GALNT17: variants seen among roughly 807,000 people sequenced by gnomAD.
GALNT17 encodes the protein polypeptide N-acetylgalactosaminyltransferase 17.
A neutral mutation model predicts 63.7 loss-of-function variants in GALNT17; 29 were observed. That is an observed-to-expected ratio of 0.46 (90% confidence interval 0.34 to 0.62). The LOEUF is 0.62. Among genes scored for constraint, GALNT17 ranks in the 20% least tolerant of loss-of-function variants. GALNT17 has a pLI of 0.01. For missense variants in GALNT17, 603 were observed against 799.6 expected (o/e 0.75, Z 2.97); for synonymous variants, 305 against 318.3 (o/e 0.96, Z 0.45).
chr7:71,494,286 G>T (rs1788058397), intron 5 of GALNT17, among the ~76,000 whole-genome samples: 1 of 151,882 alleles, frequency 6.6e-6, no homozygotes, highest in Admixed American at 6.6e-5. Flanking sequence ...CTCCCACCAG[G>T]CCCCTCCATC....
chr7:71,299,060 C>T (rs182660691), intron 1 of GALNT17, among the ~76,000 whole-genome samples: 3 of 152,052 alleles, frequency 2.0e-5, no homozygotes, highest in Admixed American at 6.6e-5. Context: ...TAGTCACTCA[C>T]CTGCGGAGAG....
At chr7:71,490,292 C>T (rs7779076) in intron 5 of GALNT17, among the ~76,000 whole-genome samples, 148,893 of 151,950 alleles carry the variant, frequency 0.98, 73,012 homozygotes, top group East Asian at 1. Context: ...TGGAACAGTA[C>T]TCATGGCCTG....
intron 1 of GALNT17, among the ~76,000 whole-genome samples, chr7:71,331,259 A>G (rs1351159020): frequency 3.9e-5 from 6 of 151,952 alleles, no homozygotes; most frequent in South Asian, 2.1e-4. Flanking sequence ...ACAACCCTCA[A>G]ATCTCTCCAT....
chr7:71,267,510 C>T (rs1367015407), intron 1 of GALNT17, among the ~76,000 whole-genome samples: 1 of 152,068 alleles, frequency 6.6e-6, no homozygotes, highest in Non-Finnish European at 1.5e-5. Flanking sequence ...TTCAAGCCTT[C>T]TTGCCTGTGT....
At chr7:71,626,679 G>A (rs762751686) in intron 6 of GALNT17, among the ~76,000 whole-genome samples, 3 of 152,180 alleles carry the variant, frequency 2.0e-5, no homozygotes, top group Non-Finnish European at 4.4e-5. Context: ...ATGTTCATTC[G>A]CTTTGTCTGT....
chr7:71,471,258 G>A (rs75084897), intron 5 of GALNT17, among the ~76,000 whole-genome samples: 15,592 of 151,698 alleles, frequency 0.1, 1,042 homozygotes, highest in East Asian at 0.3. Flanking sequence ...TGTACTTGTC[G>A]TAGAGAAAGG....
chr7:71,667,328 A>T lies in GALNT17; in HGVS notation c.1266+1732A>T, dbSNP rs1790999849. ...AAAAAACCCCTTCTGGACACTTAGC[A>T]CTTTTTAGCTGTTAAGTAATAAGTG... On this transcript the variant is annotated intron_variant, in intron 7 of 10. Coordinates refer to ENST00000333538, the MANE Select transcript of GALNT17 (RefSeq NM_022479.3). Among the ~76,000 whole-genome samples, 3 of 152,224 alleles carry T rather than the reference A, an allele frequency of 2.0e-5. No homozygotes were observed. In the South Asian group the frequency reaches 6.2e-4, roughly 32 times the overall value.
chr7:71,178,276 C>G (rs2116306389), intron 1 of GALNT17, among the ~76,000 whole-genome samples: 1 of 152,182 alleles, frequency 6.6e-6, no homozygotes, highest in East Asian at 1.9e-4. Context: ...AGTTCATTAT[C>G]ATTTGTATTA....
intron 6 of GALNT17, among the ~76,000 whole-genome samples, chr7:71,572,824 ATGG>A (rs928127736): frequency 1.3e-4 from 20 of 152,070 alleles, no homozygotes; most frequent in African/African-American, 4.8e-4. Flanking sequence ...CTTGGTGGTG[ATGG>A]TGGTAACTGC....
intron 3 of GALNT17, among the ~76,000 whole-genome samples, chr7:71,403,623 C>A (rs2116394824): frequency 6.6e-6 from 1 of 152,334 alleles, no homozygotes; most frequent in East Asian, 1.9e-4. Flanking sequence ...TTCGTTTGCG[C>A]ATAGGATTCA....
chr7:71,619,789 C>A (rs1790265847), intron 6 of GALNT17, among the ~76,000 whole-genome samples: 1 of 151,892 alleles, frequency 6.6e-6, no homozygotes, highest in Non-Finnish European at 1.5e-5. Context: ...CTTTTTTTCT[C>A]CTGGCTGATT....
intron 1 of GALNT17, among the ~76,000 whole-genome samples, chr7:71,194,213 A>C (rs2116346820): frequency 1.3e-5 from 2 of 152,194 alleles, no homozygotes; most frequent in South Asian, 4.2e-4. Flanking sequence ...GCACCACCAT[A>C]TCAAGCAGAT....
chr7:71,329,724 A>G (rs748086027), intron 1 of GALNT17, among the ~76,000 whole-genome samples: 3 of 151,944 alleles, frequency 2.0e-5, no homozygotes, highest in Admixed American at 6.6e-5. Flanking sequence ...AACTCACTCT[A>G]TCACAAGAAC....
At chr7:71,139,333 C>T (rs913261784) in intron 1 of GALNT17, among the ~76,000 whole-genome samples, 7 of 152,180 alleles carry the variant, frequency 4.6e-5, no homozygotes, top group East Asian at 1.9e-4. Flanking sequence ...AGAGTCCACA[C>T]GCAGGACGCA....
chr7:71,471,399 C>CAAAAAAAAAA (rs35529889), intron 5 of GALNT17, among the ~76,000 whole-genome samples: 1 of 89,588 alleles, frequency 1.1e-5, no homozygotes, highest in Admixed American at 1.2e-4. Flanking sequence ...TTTTTTTTTC[C>CAAAAAAAAAA]AAAAAAAAAA....
chr7:71,639,226 C>A (rs1584106463), intron 6 of GALNT17, among the ~76,000 whole-genome samples: 1 of 151,958 alleles, frequency 6.6e-6, no homozygotes, highest in Non-Finnish European at 1.5e-5. Context: ...CTACTGTGTA[C>A]CCACAAAAAT....
intron 5 of GALNT17, among the ~76,000 whole-genome samples, chr7:71,561,805 A>G (rs937581612): frequency 2.0e-5 from 3 of 152,092 alleles, no homozygotes; most frequent in Non-Finnish European, 4.4e-5. Context: ...CCACATGGTG[A>G]CAAGCAGGCA....
chr7:71,261,389 A>T (rs1256198120), intron 1 of GALNT17, among the ~76,000 whole-genome samples: 3 of 151,722 alleles, frequency 2.0e-5, no homozygotes, highest in Non-Finnish European at 4.4e-5. Flanking sequence ...TCCCTTGGCA[A>T]ATGGATCTCA....
chr7:71,486,600 G>A (rs1366512586), intron 5 of GALNT17, among the ~76,000 whole-genome samples: 1 of 151,350 alleles, frequency 6.6e-6, no homozygotes, highest in Non-Finnish European at 1.5e-5. Context: ...GGCCAGGCAT[G>A]ATGGTTCACA....
Sources: gnomAD v4.1 joint callset for allele counts (sites outside exome capture counted in the v4.1 genomes callset) on GRCh38, gnomAD v4.1.1 for gene constraint, MANE v1.5 for transcripts, NCBI Gene and HGNC (gene_info 2026-07-23, HGNC 2026-07-21) for gene names.